Variants in PSMA1 observed in about 807,000 individuals in gnomAD.
The protein encoded by PSMA1 is proteasome subunit alpha type-1.
PSMA1 carries 3 observed loss-of-function variants against 38.4 expected under a neutral mutation model. The ratio of observed to expected loss-of-function variants is 0.08; its 90% CI spans 0.04 to 0.20. PSMA1 has a LOEUF of 0.20. PSMA1 is among the 10% of genes least tolerant of loss of function. The pLI is 1.00. For missense variants in PSMA1, 227 were observed against 325.3 expected, an observed-to-expected ratio of 0.70 and a Z score of 2.32; for synonymous variants, 101 against 107.1, an observed-to-expected ratio of 0.94 and a Z score of 0.35.
chr11:14,609,862 T>C (rs967119451), intron 2 of PSMA1, among the ~76,000 whole-genome samples: 12 of 152,192 alleles, frequency 7.9e-5, no homozygotes, highest in Admixed American at 3.9e-4. Context: ...CACGATCACC[T>C]GGATGCTTTG....
At chr11:14,575,157 A>G (rs1046520604) in intron 2 of PSMA1, among the ~76,000 whole-genome samples, 10 of 152,154 alleles carry the variant, frequency 6.6e-5, no homozygotes, top group Non-Finnish European at 1.0e-4. Context: ...GACTGGCGGA[A>G]TTTTACCCCT....
chr11:14,542,377 CT>C (rs1333041035), intron 2 of PSMA1, among the ~76,000 whole-genome samples: 3 of 152,114 alleles, frequency 2.0e-5, no homozygotes, highest in Admixed American at 6.5e-5. Flanking sequence ...CTCTATTTAC[CT>C]TTCAAAGGCT....
At chr11:14,518,104 C>A (rs1344965950) in intron 2 of PSMA1, 123 bp from the exon 3 acceptor site, 7 of 698,030 alleles carry the variant, frequency 1.0e-5, no homozygotes, top group Admixed American at 6.7e-5. Flanking sequence ...AATCAAGAGA[C>A]CTTTTTTTTT....
chr11:14,547,694 G>T (rs372779669), intron 2 of PSMA1, among the ~76,000 whole-genome samples: 1 of 152,138 alleles, frequency 6.6e-6, no homozygotes, highest in African/African-American at 2.4e-5. Context: ...ACAACCAGAG[G>T]AGCTCAGAGG....
chr11:14,597,429 A>T (rs989907977), intron 2 of PSMA1, among the ~76,000 whole-genome samples: 1 of 152,024 alleles, frequency 6.6e-6, no homozygotes, highest in Non-Finnish European at 1.5e-5. Flanking sequence ...AGAGCCTGTT[A>T]TTGGTCTATT....
At chr11:14,516,237 C>A (rs1851427644) in intron 4 of PSMA1, among the ~76,000 whole-genome samples, 1 of 151,732 alleles carries the variant, frequency 6.6e-6, no homozygotes, top group Non-Finnish European at 1.5e-5. Context: ...TAGGGTCTCA[C>A]TCTGTTGCCT....
At position 14,505,229 on chromosome 11, in the gene PSMA1, T is replaced by C; in HGVS notation, c.755A>G (p.Glu252Gly). The C allele has an allele frequency of 6.2e-7, 1 of 1,613,814 alleles. No homozygotes were observed. Among genetic ancestry groups the C allele is most frequent in the Non-Finnish European group, 8.5e-7 (1 of 1,179,794 alleles). ...TGGTTCATCAGCCTTTTCTGCAGGT[T>C]CATCAGCAGGTTGAGCAGGCTTAAC... ...RKAQPAQPADEPAEKADEPME... is the reference protein window; with the variant it reads ...RKAQPAQPADGPAEKADEPME... The change falls in exon 10 of 10, where the codon GAA (glutamate) becomes GGA (glycine). Residue 252 changes from glutamate (E) to glycine (G), a missense_variant. Glu to Gly is a moderately conservative substitution (Grantham distance 98, BLOSUM62 -2). Coordinates refer to ENST00000396394, the MANE Select transcript of PSMA1 (RefSeq NM_002786.4).
intron 1 of PSMA1, among the ~76,000 whole-genome samples, chr11:14,634,080 T>G (rs1416935261): frequency 6.6e-6 from 1 of 152,232 alleles, no homozygotes; most frequent in East Asian, 1.9e-4. Flanking sequence ...CAGATGGAAA[T>G]GCAGAAATCA....
chr11:14,574,627 T>C (rs1295051588), intron 2 of PSMA1, among the ~76,000 whole-genome samples: 1 of 152,076 alleles, frequency 6.6e-6, no homozygotes, highest in Non-Finnish European at 1.5e-5. Context: ...CATCTCCTGA[T>C]TGTGAGTTTT....
intron 2 of PSMA1, among the ~76,000 whole-genome samples, chr11:14,569,556 A>G (rs1852113829): frequency 6.6e-6 from 1 of 152,172 alleles, no homozygotes; most frequent in Non-Finnish European, 1.5e-5. Context: ...CACACCAGAG[A>G]TTATATCCCA....
At chr11:14,533,426 C>G (rs974186312) in intron 2 of PSMA1, among the ~76,000 whole-genome samples, 4 of 152,188 alleles carry the variant, frequency 2.6e-5, no homozygotes, top group African/African-American at 9.7e-5. Context: ...GTGGCAGCCC[C>G]TGCACCCAAG....
At chr11:14,567,500 G>A (rs961125550) in intron 2 of PSMA1, among the ~76,000 whole-genome samples, 1 of 152,160 alleles carries the variant, frequency 6.6e-6, no homozygotes, top group South Asian at 2.1e-4. Flanking sequence ...TGTGAGGGAG[G>A]TATCATTACT....
At chr11:14,523,690 C>T (rs754082697), upstream of PSMA1, among the ~76,000 whole-genome samples, 1 of 151,560 alleles carries the variant, frequency 6.6e-6, no homozygotes, top group African/African-American at 2.4e-5. Flanking sequence ...CCCAAGTGAT[C>T]CTCCTACCTC....
At chr11:14,630,881 G>T (rs2133718866) in intron 1 of PSMA1, among the ~76,000 whole-genome samples, 1 of 152,048 alleles carries the variant, frequency 6.6e-6, no homozygotes, top group Non-Finnish European at 1.5e-5. Flanking sequence ...ACTTCTTCCT[G>T]GTTTAGTCTT....
chr11:14,520,142 G>A (rs1475575164), intron 1 of PSMA1, 155 bp downstream of exon 1: 1 of 1,213,936 alleles, frequency 8.2e-7, no homozygotes, highest in Non-Finnish European at 1.2e-6. Context: ...CGGCCAGGCC[G>A]GAGATGCTGA....
At chr11:14,642,956 T>G (rs562010656) in intron 1 of PSMA1, among the ~76,000 whole-genome samples, 1 of 152,224 alleles carries the variant, frequency 6.6e-6, no homozygotes, top group East Asian at 1.9e-4. Flanking sequence ...GCCTTCAATT[T>G]GCAAAGACCA....
chr11:14,621,271 C>CTTTCT (rs1395886231), intron 1 of PSMA1, among the ~76,000 whole-genome samples: 1 of 151,690 alleles, frequency 6.6e-6, no homozygotes, highest in Non-Finnish European at 1.5e-5. Flanking sequence ...CTGAAATTAT[C>CTTTCT]TTTCTTTTCT....
At chr11:14,600,871 T>C (rs1852572779) in intron 2 of PSMA1, among the ~76,000 whole-genome samples, 1 of 152,244 alleles carries the variant, frequency 6.6e-6, no homozygotes, top group Admixed American at 6.5e-5. Context: ...TTTGGCCATC[T>C]TGGAATGCTC....
At chr11:14,564,111 A>G (rs1433162059) in intron 2 of PSMA1, among the ~76,000 whole-genome samples, 1 of 152,210 alleles carries the variant, frequency 6.6e-6, no homozygotes, top group East Asian at 1.9e-4. Context: ...CAGAACCACA[A>G]CCAGCATACT....
Sources: allele counts gnomAD v4.1 joint callset (sites outside exome capture counted in the v4.1 genomes callset), GRCh38; gene constraint gnomAD v4.1.1; transcripts MANE v1.5; gene names NCBI Gene and HGNC (gene_info 2026-07-23, HGNC 2026-07-21).